Variants in VPS13A observed in about 807,000 individuals in gnomAD.
The protein encoded by VPS13A is vacuolar protein sorting 13 homolog A.
A neutral mutation model predicts 390.9 loss-of-function variants in VPS13A; 264 were observed. The observed-to-expected ratio is 0.68, with a 90% CI of 0.61 to 0.75. The LOEUF is 0.75. Among genes scored for constraint, VPS13A ranks in the 30% least tolerant of loss-of-function variants. The probability of loss-of-function intolerance (pLI) is 0.00; values close to 1 mark genes in which losing one functional copy is unlikely to be tolerated. For missense variants in VPS13A, 3,409 were observed against 3,733.9 expected, an observed-to-expected ratio of 0.91 and a Z score of 2.27; for synonymous variants, 1,231 against 1,227.1, an observed-to-expected ratio of 1.00 and a Z score of -0.07.
At chr9:77,334,200 G>C (rs1181827931) in intron 46 of VPS13A, among the ~76,000 whole-genome samples, 1 of 152,180 alleles carries the variant, frequency 6.6e-6, no homozygotes, top group East Asian at 1.9e-4. Flanking sequence ...GAATTTGTTG[G>C]AATGTAGAGT....
At chr9:77,201,430 A>G in intron 3 of VPS13A, 23 bp downstream of exon 3, 1 of 1,590,192 alleles carries the variant, frequency 6.3e-7, no homozygotes, top group Non-Finnish European at 8.6e-7. Context: ...CATTATTGGG[A>G]TATCCTCCTT....
At chr9:77,390,663 T>TTTGTTGTTGTTG (rs200982435) in intron 68 of VPS13A, among the ~76,000 whole-genome samples, 1 of 113,680 alleles carries the variant, frequency 8.8e-6, no homozygotes, top group South Asian at 3.7e-4. Flanking sequence ...TCCCTCTCTT[T>TTTGTTGTTGTTG]TTGTTGTTGT....
chr9:77,280,381 T>C, intron 27 of VPS13A, 143 bp downstream of exon 27: 1 of 609,516 alleles, frequency 1.6e-6, no homozygotes. Flanking sequence ...GTTTTTTTTA[T>C]TTTGTCATCT....
chr9:77,291,353 C>T (rs527945299), intron 31 of VPS13A, among the ~76,000 whole-genome samples: 16 of 152,114 alleles, frequency 1.1e-4, no homozygotes, highest in Non-Finnish European at 1.9e-4. Context: ...CAAAACAGCT[C>T]CCTGTTACCA....
intron 67 of VPS13A, among the ~76,000 whole-genome samples, chr9:77,381,432 T>A (rs1021124258): frequency 6.6e-6 from 1 of 152,148 alleles, no homozygotes; most frequent in Non-Finnish European, 1.5e-5. Context: ...ATTAATAGAT[T>A]AAGGAAAATA....
chr9:77,359,669 T>A (rs1158409605), intron 58 of VPS13A, among the ~76,000 whole-genome samples: 1 of 151,926 alleles, frequency 6.6e-6, no homozygotes, highest in Admixed American at 6.6e-5. Flanking sequence ...AATACAAAAA[T>A]TAGCCAGGCG....
intron 67 of VPS13A, 25 bp downstream of exon 67, chr9:77,371,174 T>C (rs747469610): frequency 1.2e-5 from 20 of 1,613,354 alleles, no homozygotes; most frequent in East Asian, 6.7e-5. Context: ...GTGTAAGATA[T>C]GAGTTAAAAT....
In VPS13A at chr9:77,317,774, A is replaced by C. The variant is rs1029745858; in HGVS notation, c.4956+76A>C. On this transcript the variant is annotated intron_variant, in intron 40 of 71. Coordinates refer to ENST00000360280, the MANE Select transcript of VPS13A (RefSeq NM_033305.3). ...TAAAGCCTAGAAAGTTATTATAGCA[A>C]GTCTTTTAATTGTTATGCAAACAAA... is the stretch of plus-strand genomic sequence containing the variant. The C allele has an allele frequency of 7.0e-6, 8 of 1,145,938 alleles. No homozygotes were observed. In the African/African-American group the frequency reaches 1.2e-4, roughly 18 times the overall value. 71.0% of individuals were successfully genotyped at this position (1,145,938 alleles called of 1,614,324 possible).
rs563347080 is a variant in VPS13A at position 77,385,348 on chromosome 9, G to A, written c.9189+3261G>A. On this transcript the variant is annotated intron_variant, in intron 68 of 71. Transcript: ENST00000360280. ...TTATGTCTTTGCTTTACTTTTTACC[G>A]TTTTGTTTCACATATTTTTTGTGAA... is the stretch of plus-strand genomic sequence containing the variant. Among the ~76,000 whole-genome samples the A allele has an allele frequency of 2.0e-4, 30 of 151,744 alleles. No homozygotes were observed. In the South Asian group the frequency reaches 3.5e-3, roughly 18 times the overall value.
chr9:77,267,588 A>T (rs1203273970), intron 23 of VPS13A, among the ~76,000 whole-genome samples: 1 of 152,124 alleles, frequency 6.6e-6, no homozygotes, highest in African/African-American at 2.4e-5. Context: ...GCTCTCCTGT[A>T]TGAGGTGTCT....
intron 3 of VPS13A, among the ~76,000 whole-genome samples, chr9:77,203,643 T>C (rs1042140677): frequency 6.6e-6 from 1 of 152,198 alleles, no homozygotes; most frequent in Non-Finnish European, 1.5e-5. Flanking sequence ...TGTTAATATG[T>C]GTTTATTATT....
intron 16 of VPS13A, 25 bp downstream of exon 16, chr9:77,227,510 C>CT: frequency 6.7e-7 from 1 of 1,495,520 alleles, no homozygotes; most frequent in Non-Finnish European, 9.3e-7. Context: ...TGCCTTATAC[C>CT]TTAGAATATA....
At chr9:77,372,168 G>C (rs1053907057) in intron 67 of VPS13A, among the ~76,000 whole-genome samples, 13 of 151,652 alleles carry the variant, frequency 8.6e-5, no homozygotes, top group African/African-American at 3.2e-4. Context: ...TATATACCCA[G>C]TAATGGGATG....
chr9:77,195,959 C>T (rs1037479543), intron 1 of VPS13A, among the ~76,000 whole-genome samples: 18 of 151,866 alleles, frequency 1.2e-4, no homozygotes, highest in Admixed American at 2.0e-4. Context: ...TTCCTTCTAG[C>T]GCTGCTTTTG....
intron 23 of VPS13A, among the ~76,000 whole-genome samples, chr9:77,265,859 T>A (rs1234342284): frequency 6.6e-6 from 1 of 152,214 alleles, no homozygotes; most frequent in African/African-American, 2.4e-5. Context: ...TTCCTCTTGC[T>A]CTTGCTTCTC....
Position 77,318,610 on chromosome 9 carries a change from T to G in VPS13A, c.5313+19T>G. 1 of 1,556,320 alleles carries G rather than the reference T, an allele frequency of 6.4e-7. No homozygotes were observed. The highest frequency in any genetic ancestry group is 8.9e-7 in the Non-Finnish European group (1 of 1,127,730). ...GCTAGAAGTAAGCATATTTTTCCAG[T>G]TTTATAACAGATAATGATACGTATG... On this transcript the variant is annotated intron_variant, in intron 41 of 71. Transcript: ENST00000360280.
At position 77,401,061 on chromosome 9, in the gene VPS13A, TGTC is replaced by T. The variant is rs200741871; in HGVS notation, c.9190-2172_9190-2170del. On this transcript the variant is annotated intron_variant, in intron 68 of 71. Transcript: ENST00000360280. ...TCCGTAATTGGATAGGATTTTATAA[TGTC>T]GTATATGCATAGTGGTCAGTTTCTG... Among the ~76,000 whole-genome samples the T allele has an allele frequency of 5.9e-5, 9 of 152,168 alleles. No homozygotes were observed. In the East Asian group the frequency reaches 1.3e-3, roughly 23 times the overall value.
chr9:77,384,457 CAT>C (rs1472821932), intron 68 of VPS13A: 2 of 1,318,594 alleles, frequency 1.5e-6, no homozygotes, highest in African/African-American at 2.9e-5. Context: ...CAGTCTGAGT[CAT>C]AGCTGAAAAA....
chr9:77,370,033 A>T (rs1832660386), intron 63 of VPS13A, among the ~76,000 whole-genome samples: 1 of 152,090 alleles, frequency 6.6e-6, no homozygotes, highest in Non-Finnish European at 1.5e-5. Flanking sequence ...GAGTTGCCGT[A>T]CTCCTTTCTA....
Sources: gnomAD v4.1 joint callset for allele counts (sites outside exome capture counted in the v4.1 genomes callset) on GRCh38, gnomAD v4.1.1 for gene constraint, MANE v1.5 for transcripts, NCBI Gene and HGNC (gene_info 2026-07-23, HGNC 2026-07-21) for gene names.